The following CCDC178 variants were observed in gnomAD, a reference collection of about 807,000 sequenced individuals.
The protein encoded by CCDC178 is coiled-coil domain-containing protein 178.
CCDC178 carries 126 observed loss-of-function variants against 117.4 expected under a neutral mutation model. The observed-to-expected ratio is 1.07, with a 90% CI of 0.93 to 1.24. The LOEUF is 1.24. Ranked by LOEUF, CCDC178 falls within the 50% of genes most tolerant of loss-of-function variation. The probability of loss-of-function intolerance (pLI) is 0.00; values close to 1 mark genes in which losing one functional copy is unlikely to be tolerated. For synonymous variants in CCDC178, 283 were observed against 313.4 expected (o/e 0.90, Z 1.02); for missense variants, 1,030 against 986.9 (o/e 1.04, Z -0.59).
intron 20 of CCDC178, among the ~76,000 whole-genome samples, chr18:33,162,431 C>CT (rs897774664): frequency 6.6e-6 from 1 of 152,066 alleles, no homozygotes; most frequent in African/African-American, 2.4e-5. Context: ...GTTTTTATTA[C>CT]TTTTTTAAAC....
At chr18:33,351,527 T>G (rs758975651) in intron 7 of CCDC178, among the ~76,000 whole-genome samples, 8 of 151,766 alleles carry the variant, frequency 5.3e-5, no homozygotes, top group Non-Finnish European at 1.0e-4. Flanking sequence ...GGACTCAGGT[T>G]GATAGTATTT....
intron 21 of CCDC178, among the ~76,000 whole-genome samples, chr18:33,073,908 A>C (rs1333453506): frequency 6.6e-6 from 1 of 152,136 alleles, no homozygotes; most frequent in Non-Finnish European, 1.5e-5. Context: ...AGGGACTTTC[A>C]ATCTAGTGAT....
At chr18:32,990,181 T>C (rs2055360138) in intron 21 of CCDC178, among the ~76,000 whole-genome samples, 1 of 152,144 alleles carries the variant, frequency 6.6e-6, no homozygotes, top group Non-Finnish European at 1.5e-5. Context: ...ATCAATGTCA[T>C]AATGTCAATT....
intron 21 of CCDC178, among the ~76,000 whole-genome samples, chr18:33,078,262 G>C (rs756025733): frequency 9.9e-5 from 15 of 151,958 alleles, no homozygotes; most frequent in Non-Finnish European, 1.9e-4. Flanking sequence ...CAATAAACTA[G>C]GTATTGAAGG....
intron 21 of CCDC178, among the ~76,000 whole-genome samples, chr18:33,074,154 G>A (rs2057163206): frequency 6.6e-6 from 1 of 151,700 alleles, no homozygotes; most frequent in Non-Finnish European, 1.5e-5. Context: ...GTAAGTTACT[G>A]GGTGATTTTA....
intron 21 of CCDC178, 139 bp from the exon 22 acceptor site, chr18:32,974,820 T>C: frequency 1.3e-6 from 1 of 778,836 alleles, no homozygotes; most frequent in Non-Finnish European, 2.0e-6. Flanking sequence ...GACAGGAATT[T>C]CACAGTCTCT....
intron 20 of CCDC178, among the ~76,000 whole-genome samples, chr18:33,110,910 A>G (rs1387110355): frequency 6.6e-6 from 1 of 151,652 alleles, no homozygotes; most frequent in Non-Finnish European, 1.5e-5. Flanking sequence ...TTTAGAATCA[A>G]TGCATCAATT....
intron 20 of CCDC178, among the ~76,000 whole-genome samples, chr18:33,115,697 G>A (rs1567997878): frequency 6.6e-6 from 1 of 151,888 alleles, no homozygotes; most frequent in Non-Finnish European, 1.5e-5. Flanking sequence ...GCATTCCATT[G>A]CTGATAGTCA....
At chr18:33,341,052 G>A (rs745679326) in intron 9 of CCDC178, among the ~76,000 whole-genome samples, 4 of 152,160 alleles carry the variant, frequency 2.6e-5, no homozygotes, top group Non-Finnish European at 5.9e-5. Context: ...CATGAAAGCA[G>A]TCATGAGGGA....
intron 20 of CCDC178, among the ~76,000 whole-genome samples, chr18:33,095,056 C>T (rs1461274824): frequency 6.6e-6 from 1 of 151,832 alleles, no homozygotes; most frequent in African/African-American, 2.4e-5. Flanking sequence ...ATGTAAATGA[C>T]ACAAATGGGG....
At chr18:33,057,696 G>A (rs1490117192) in intron 21 of CCDC178, among the ~76,000 whole-genome samples, 1 of 152,114 alleles carries the variant, frequency 6.6e-6, no homozygotes, top group Admixed American at 6.6e-5. Flanking sequence ...GTTTCACCAT[G>A]TTGGCCAGGC....
intron 20 of CCDC178, among the ~76,000 whole-genome samples, chr18:33,204,835 C>A (rs192251262): frequency 6.6e-6 from 1 of 151,858 alleles, no homozygotes; most frequent in Admixed American, 6.6e-5. Context: ...AAATTAAATG[C>A]AAAAGACTAA....
chr18:33,226,910 A>G (rs1475899803), intron 15 of CCDC178, 55 bp from the exon 16 acceptor site: 11 of 944,550 alleles, frequency 1.2e-5, no homozygotes, highest in East Asian at 2.6e-5. Flanking sequence ...CATCAAAAAC[A>G]TTTTTTAAAA....
chr18:33,068,653 A>C (rs2144988622), intron 21 of CCDC178, among the ~76,000 whole-genome samples: 1 of 152,300 alleles, frequency 6.6e-6, no homozygotes, highest in African/African-American at 2.4e-5. Context: ...CAAATTAGGT[A>C]CAGAAGGAAA....
At position 33,245,439 on chromosome 18, in the gene CCDC178, A is replaced by G. The variant is rs2059539196; in HGVS notation, c.1410-11T>C. On this transcript the variant is annotated splice_polypyrimidine_tract_variant and intron_variant, in intron 14 of 22. Transcript: ENST00000383096. Reference sequence around the variant, plus strand: ...GATTTTTTCCGTATGCTGTAAAAGTAAAGCAAAAATTAATATTATTGAGTA... The same window carrying G: ...GATTTTTTCCGTATGCTGTAAAAGTGAAGCAAAAATTAATATTATTGAGTA... 5 of 1,508,214 alleles carry G rather than the reference A, an allele frequency of 3.3e-6. No homozygotes were observed. Among genetic ancestry groups the G allele is most frequent in the South Asian group, 1.3e-5 (1 of 75,434 alleles). The allele number at this position is 1,508,214 out of a possible 1,614,324, so 93.4% of individuals were successfully genotyped here.
intron 8 of CCDC178, among the ~76,000 whole-genome samples, chr18:33,347,468 C>A (rs2062912572): frequency 6.6e-6 from 1 of 152,034 alleles, no homozygotes; most frequent in African/African-American, 2.4e-5. Context: ...AACCGGTTTC[C>A]CTATTTTTAA....
At chr18:33,282,799 G>A (rs933466990) in intron 12 of CCDC178, among the ~76,000 whole-genome samples, 1 of 152,114 alleles carries the variant, frequency 6.6e-6, no homozygotes, top group African/African-American at 2.4e-5. Flanking sequence ...GAACCTCGGA[G>A]GGCCCAGAGC....
At chr18:32,982,184 C>A (rs1278428647) in intron 21 of CCDC178, among the ~76,000 whole-genome samples, 1 of 151,890 alleles carries the variant, frequency 6.6e-6, no homozygotes, top group African/African-American at 2.4e-5. Context: ...AATTAACTCC[C>A]CAAAGCACAT....
At chr18:33,220,568 G>A (rs543851675) in intron 18 of CCDC178, among the ~76,000 whole-genome samples, 22 of 152,118 alleles carry the variant, frequency 1.4e-4, no homozygotes, top group Admixed American at 5.9e-4. Flanking sequence ...CTTGCTACTT[G>A]GGAATTTAAC....
Sources: allele counts gnomAD v4.1 joint callset (sites outside exome capture counted in the v4.1 genomes callset), GRCh38; gene constraint gnomAD v4.1.1; transcripts MANE v1.5; gene names NCBI Gene and HGNC (gene_info 2026-07-23, HGNC 2026-07-21).